Variants in KDR observed in about 807,000 individuals in gnomAD.
KDR encodes the protein kinase insert domain receptor, also known as vascular endothelial growth factor receptor 2.
A neutral mutation model predicts 160.9 loss-of-function variants in KDR; 43 were observed. The observed-to-expected ratio is 0.27, with a 90% confidence interval of 0.21 to 0.34. KDR has a LOEUF of 0.34. KDR is among the 10% of genes least tolerant of loss of function. The probability of loss-of-function intolerance (pLI) is 1.00; values close to 1 mark genes in which losing one functional copy is unlikely to be tolerated. For missense variants in KDR, 1,469 were observed against 1,666.4 expected (o/e 0.88, Z 2.06); for synonymous variants, 617 against 600.1 (o/e 1.03, Z -0.41).
At chr4:55,082,922 G>T (rs1719773747) in intron 27 of KDR, among the ~76,000 whole-genome samples, 1 of 152,180 alleles carries the variant, frequency 6.6e-6, no homozygotes. Context: ...AGCAGATGGA[G>T]TGATCAACTG....
chr4:55,125,094 T>C, intron 1 of KDR, 133 bp downstream of exon 1: 1 of 857,732 alleles, frequency 1.2e-6, no homozygotes, highest in Non-Finnish European at 1.9e-6. Context: ...TCCCCACTGG[T>C]AAATGAAAGA....
rs570904016 is a variant in KDR, at chr4:55,085,559, A to C, written c.3662+2048T>G. 2.0e-3 allele frequency among the ~76,000 whole-genome samples: 298 copies of C among 152,342 alleles called. 1 individual carries two copies. The highest frequency in any genetic ancestry group is 6.8e-3 in the African/African-American group (284 of 41,566). Reference sequence around the variant, plus strand: ...CCCCAGGAGAGCAACAGAATGAAGCATGCCGTGTGCAAATGCCTCTATCTG... The same window carrying C: ...CCCCAGGAGAGCAACAGAATGAAGCCTGCCGTGTGCAAATGCCTCTATCTG... On this transcript the variant is annotated intron_variant, in intron 27 of 29. Coordinates refer to ENST00000263923, the MANE Select transcript of KDR (RefSeq NM_002253.4).
In KDR at chr4:55,110,522, G is replaced by A. The variant is rs747477930; in HGVS notation, c.1136C>T (p.Ala379Val). The change falls in exon 9 of 30, where the codon GCG (alanine) becomes GTG (valine). Residue 379 changes from alanine (A) to valine (V), a missense_variant. Physicochemically the swap from Ala to Val is moderately conservative, Grantham distance 64. Coordinates refer to ENST00000263923, the MANE Select transcript of KDR (RefSeq NM_002253.4). ...TTCCATAATCGTCAGTACATGCCCC[G>A]CTTTAATTGTGTGATTGGACTCAAG... Reference protein sequence around the residue: ...IPLESNHTIKAGHVLTIMEVS... With the variant: ...IPLESNHTIKVGHVLTIMEVS... 9.0e-5 allele frequency: 146 copies of A among 1,613,658 alleles called. No individual in the cohort carries two copies. The highest frequency in any genetic ancestry group is 4.9e-4 in the Middle Eastern group (3 of 6,082).
At chr4:55,110,922 CTTCTCCCACACCTCCCGTGT>C (rs979896726) in intron 7 of KDR, among the ~76,000 whole-genome samples, 154 bp from the exon 8 acceptor site, 27 of 152,262 alleles carry the variant, frequency 1.8e-4, no homozygotes, top group African/African-American at 5.5e-4. Flanking sequence ...CACTTTTCAG[CTTCTCCCACACCTCCCGTGT>C]TTCTCCCACA....
At chr4:55,090,493 T>C (rs1344508247) in intron 22 of KDR, among the ~76,000 whole-genome samples, 2 of 152,170 alleles carry the variant, frequency 1.3e-5, no homozygotes, top group Non-Finnish European at 2.9e-5. Flanking sequence ...GGGGCTCTCA[T>C]TGGTTTAGTG....
At position 55,104,884 on chromosome 4, in the gene KDR, T is replaced by C. The variant is rs561326865; in HGVS notation, c.1746A>G (p.Thr582=). The C allele has an allele frequency of 3.1e-6, 5 of 1,613,982 alleles. No individual in the cohort carries two copies. The highest frequency in any genetic ancestry group is 1.1e-5 in the South Asian group (1 of 91,072). ...TADRSTFENL[T]WYKLGPQPLP... ...GAGGCTGTGGGCCAAGCTTGTACCA[T>C]GTGAGGTTCTCAAACGTAGATCTGT... Residue 582 remains threonine, a synonymous_variant, in exon 13 of 30, where the codon ACA becomes ACG. Coordinates refer to ENST00000263923, the MANE Select transcript of KDR (RefSeq NM_002253.4).
intron 27 of KDR, among the ~76,000 whole-genome samples, chr4:55,086,919 A>C (rs1560512996): frequency 6.6e-6 from 1 of 152,242 alleles, no homozygotes; most frequent in Non-Finnish European, 1.5e-5. Flanking sequence ...AAGTAGTCCC[A>C]GCCTTAGTAA....
Position 55,125,294 on chromosome 4 carries a change from C to T in KDR, c.-1G>A. On this transcript the variant is annotated 5_prime_UTR_variant, in exon 1 of 30. Coordinates refer to ENST00000263923, the MANE Select transcript of KDR (RefSeq NM_002253.4). The stretch of plus-strand genomic sequence containing the variant: ...CGGCCAGCAGCACCTTGCTCTGCAT[C>T]CTGCACCTCGAGCCGGGCGAAATGC... 1 of 1,611,366 alleles carries T rather than the reference C, an allele frequency of 6.2e-7. No homozygotes were observed. The highest frequency in any genetic ancestry group is 8.5e-7 in the Non-Finnish European group (1 of 1,179,162).
Position 55,114,950 on chromosome 4 carries a change from A to G in KDR, c.582T>C (p.Tyr194=). ...GFTIPSYMIS[Y]AGMVFCEAKI... Reference sequence around the variant, plus strand: ...TTGCTTCACAGAAGACCATGCCAGCATAGCTGATCATGTAGCTGGGAATAG... The same window carrying G: ...TTGCTTCACAGAAGACCATGCCAGCGTAGCTGATCATGTAGCTGGGAATAG... Residue 194 remains tyrosine, a synonymous_variant, in exon 5 of 30, where the codon TAT becomes TAC. Transcript: ENST00000263923. 1 of 1,613,732 alleles carries G rather than the reference A, an allele frequency of 6.2e-7. No homozygotes were observed. Among genetic ancestry groups the G allele is most frequent in the Non-Finnish European group, 8.5e-7 (1 of 1,179,656 alleles).
intron 19 of KDR, 149 bp downstream of exon 19, chr4:55,096,080 A>G (rs1314874323): frequency 1.6e-6 from 1 of 633,424 alleles, no homozygotes; most frequent in African/African-American, 1.8e-5. Context: ...AGTGCCAATT[A>G]AACCTCCATG....
At chr4:55,097,244 C>T (rs1355051516) in intron 18 of KDR, among the ~76,000 whole-genome samples, 2 of 152,144 alleles carry the variant, frequency 1.3e-5, no homozygotes, top group Non-Finnish European at 2.9e-5. Context: ...ACATCTTTTA[C>T]ATATTCCAAT....
In KDR at chr4:55,114,132, A is replaced by C; in HGVS notation, c.792T>G (p.Ser264=). ...VGIDFNWEYP[S]SKHQHKKLVN... is the part of the protein sequence containing the mutation. ...TTTGAATCATTAGCGTTACCTTCGA[A>C]GAAGGGTATTCCCAGTTGAAGTCAA... The change falls in exon 6 of 30, where the codon TCT becomes TCG. Residue 264 remains serine (S), a synonymous_variant. Transcript: ENST00000263923. The C allele has an allele frequency of 6.2e-7, 1 of 1,614,044 alleles. No individual in the cohort carries two copies. The highest frequency in any genetic ancestry group is 2.2e-5 in the East Asian group (1 of 44,874).
chr4:55,097,531 G>T, intron 18 of KDR, 131 bp downstream of exon 18: 2 of 669,182 alleles, frequency 3.0e-6, no homozygotes, highest in Non-Finnish European at 2.7e-6. Flanking sequence ...TTGCACAAGG[G>T]CATTATTTAG....
chr4:55,117,428 C>T (rs572257581), intron 3 of KDR, among the ~76,000 whole-genome samples: 2 of 152,300 alleles, frequency 1.3e-5, no homozygotes, highest in Non-Finnish European at 2.9e-5. Flanking sequence ...AGATGTGAGC[C>T]TTGTCTCTTT....
In KDR at chr4:55,110,670, G is replaced by T. The variant is rs770118276; in HGVS notation, c.1075C>A (p.Pro359Thr). The change falls in exon 8 of 30, where the codon CCC becomes ACC. Residue 359 changes from proline to threonine, a missense_variant. By Grantham distance (38) the Pro-to-Thr change is conservative. Around this residue, in one of 7 missense-constraint regions of KDR, gnomAD observed 792 missense variants for 840.9 expected, o/e 0.94. Transcript: ENST00000263923. ...AGTAGTTACCATTTTATTTCTGGGG[G>T]TGGGTAACCAAGGTACTTCGCAGGG... ...RIPAKYLGYP[P>T]PEIKWYKNGI... 1.2e-6 allele frequency: 2 copies of T among 1,613,712 alleles called. No individual in the cohort carries two copies. The highest frequency in any genetic ancestry group is 1.3e-5 in the African/African-American group (1 of 74,966).
At chr4:55,080,578 G>A (rs916901131) in intron 29 of KDR, among the ~76,000 whole-genome samples, 1 of 152,166 alleles carries the variant, frequency 6.6e-6, no homozygotes, top group African/African-American at 2.4e-5. Flanking sequence ...TCCTATTGTG[G>A]CAATTTGGGA....
chr4:55,114,120 C>T lies in KDR; in HGVS notation c.798+6G>A, dbSNP rs374116762. ...TGGAGGTCTGGCTTTGAATCATTAG[C>T]GTTACCTTCGAAGAAGGGTATTCCC... On this transcript the variant is annotated splice_donor_region_variant and intron_variant, in intron 6 of 29. Transcript: ENST00000263923. 14 of 1,613,796 alleles carry T rather than the reference C, an allele frequency of 8.7e-6. 1 individual carries two copies. Among genetic ancestry groups the T allele is most frequent in the Admixed American group, 3.3e-5 (2 of 59,996 alleles).
At chr4:55,121,889 G>A (rs1213751670) in intron 1 of KDR, among the ~76,000 whole-genome samples, 1 of 151,488 alleles carries the variant, frequency 6.6e-6, no homozygotes, top group East Asian at 1.9e-4. Flanking sequence ...ATACTTTTCT[G>A]TCTACTGTAA....
chr4:55,111,477 C>G (rs1475377286), intron 7 of KDR, among the ~76,000 whole-genome samples: 1 of 152,166 alleles, frequency 6.6e-6, no homozygotes, highest in Non-Finnish European at 1.5e-5. Flanking sequence ...CCTGTTGACT[C>G]TACCTTCAAA....
Sources: gnomAD v4.1 joint callset for allele counts (sites outside exome capture counted in the v4.1 genomes callset) on GRCh38, gnomAD v4.1.1 for gene constraint, gnomAD v4.1.1 regional missense constraint, MANE v1.5 for transcripts, NCBI Gene and HGNC (gene_info 2026-07-23, HGNC 2026-07-21) for gene names.